UST: variants seen among roughly 807,000 people sequenced by gnomAD.
UST encodes the protein chondroitin sulfate 2-O-sulfotransferase.
UST carries 21 observed loss-of-function variants against 45.6 expected under a neutral mutation model. The observed-to-expected ratio is 0.46, with a 90% CI of 0.33 to 0.66. The LOEUF is 0.66. UST is among the 30% of genes least tolerant of loss of function. The pLI is 0.02. For missense variants in UST, 463 were observed against 512.4 expected (o/e 0.90, Z 0.93); for synonymous variants, 215 against 200.6 (o/e 1.07, Z -0.61).
Position 149,035,087 on chromosome 6 carries a change from CT to C in UST, c.937+13608del, listed in dbSNP as rs578117837. Among the ~76,000 whole-genome samples the C allele has an allele frequency of 6.1e-3, 929 of 152,258 alleles. 6 individuals are homozygous for C. Among genetic ancestry groups the C allele is most frequent in the African/African-American group, 0.022 (902 of 41,544 alleles). ...CTGGAATGCTTTTAGTGGTCAGATA[CT>C]TGAACCTCTAGATTCATCCTTTCTA... On this transcript the variant is annotated intron_variant, in intron 7 of 7. Coordinates refer to ENST00000367463, the MANE Select transcript of UST (RefSeq NM_005715.3).
chr6:148,763,746 A>G (rs184731149), intron 1 of UST, among the ~76,000 whole-genome samples: 61 of 152,262 alleles, frequency 4.0e-4, no homozygotes, highest in African/African-American at 1.4e-3. Flanking sequence ...CACTTATTGA[A>G]TAGGGTATCC....
At chr6:148,786,089 G>T (rs1776729234) in intron 1 of UST, among the ~76,000 whole-genome samples, 2 of 151,310 alleles carry the variant, frequency 1.3e-5, no homozygotes, top group Admixed American at 6.6e-5. Context: ...TACCATGACA[G>T]ATCTTTTTTT....
At chr6:148,765,265 A>C (rs1438046821) in intron 1 of UST, among the ~76,000 whole-genome samples, 2 of 152,122 alleles carry the variant, frequency 1.3e-5, no homozygotes, top group Non-Finnish European at 2.9e-5. Context: ...GTTTACGATC[A>C]GTTGGTTGTA....
At chr6:148,859,790 G>T (rs186828324) in intron 1 of UST, among the ~76,000 whole-genome samples, 333 of 152,326 alleles carry the variant, frequency 2.2e-3, no homozygotes, top group African/African-American at 7.4e-3. Flanking sequence ...GTTTGTCAAA[G>T]ATCAGATGGT....
intron 7 of UST, among the ~76,000 whole-genome samples, chr6:149,042,134 T>G (rs540979200): frequency 1.3e-5 from 2 of 152,364 alleles, no homozygotes; most frequent in East Asian, 3.9e-4. Context: ...TTAGGCACTT[T>G]TATTATTCCC....
chr6:148,803,706 C>T (rs1777094998), intron 1 of UST, among the ~76,000 whole-genome samples: 1 of 152,204 alleles, frequency 6.6e-6, no homozygotes, highest in Admixed American at 6.5e-5. Context: ...TTCCCTGACT[C>T]CCAGAACTCC....
chr6:148,974,340 A>C (rs1338214337), intron 5 of UST, among the ~76,000 whole-genome samples: 3 of 152,048 alleles, frequency 2.0e-5, no homozygotes, highest in Non-Finnish European at 4.4e-5. Flanking sequence ...ATACCCGAAC[A>C]AGTTATACAA....
intron 2 of UST, among the ~76,000 whole-genome samples, chr6:148,907,954 C>G (rs545949315): frequency 2.6e-5 from 3 of 114,650 alleles, no homozygotes; most frequent in African/African-American, 1.0e-4. Context: ...TGTCACCCAG[C>G]CTTGAGTGCA....
At chr6:148,969,458 GA>G (rs1780870298) in intron 5 of UST, among the ~76,000 whole-genome samples, 1 of 152,162 alleles carries the variant, frequency 6.6e-6, no homozygotes. Context: ...GGGTGACTTG[GA>G]TTTAGCCTCT....
At chr6:148,756,565 C>T (rs1050739306) in intron 1 of UST, among the ~76,000 whole-genome samples, 1 of 152,174 alleles carries the variant, frequency 6.6e-6, no homozygotes, top group African/African-American at 2.4e-5. Flanking sequence ...TTTGTTGTCT[C>T]GCTGCCTGCT....
At chr6:149,058,712 T>C (rs887839678) in intron 7 of UST, among the ~76,000 whole-genome samples, 1 of 152,130 alleles carries the variant, frequency 6.6e-6, no homozygotes, top group Non-Finnish European at 1.5e-5. Context: ...TAAAAGTATA[T>C]TTTAAGAAAG....
At chr6:148,862,923 C>T (rs147689073) in intron 1 of UST, among the ~76,000 whole-genome samples, 1 of 152,144 alleles carries the variant, frequency 6.6e-6, no homozygotes, top group African/African-American at 2.4e-5. Flanking sequence ...CTCTGGCGCC[C>T]TTAACATTTT....
intron 1 of UST, among the ~76,000 whole-genome samples, chr6:148,774,270 TTATA>T (rs10568450): frequency 3.9e-5 from 5 of 127,816 alleles, no homozygotes; most frequent in African/African-American, 5.8e-5. Flanking sequence ...CAAGGTTATT[TTATA>T]TATATATATA....
At chr6:149,065,228 T>C (rs948182418) in intron 7 of UST, among the ~76,000 whole-genome samples, 1 of 151,776 alleles carries the variant, frequency 6.6e-6, no homozygotes, top group African/African-American at 2.4e-5. Context: ...ATAACAACAA[T>C]TATTTGAAAA....
rs1372764426 is a variant in UST, at chr6:148,747,065, C to T, written c.-366C>T. Among the ~76,000 whole-genome samples, 3 of 151,672 alleles carry T rather than the reference C, an allele frequency of 2.0e-5. No homozygotes were observed. The highest frequency in any genetic ancestry group is 7.2e-5 in the African/African-American group (3 of 41,426). ...GAACCGGGACAAAACACGCCGAGAC[C>T]TACAGACACAAAGCCGGGGGGTCCA... On this transcript the variant is annotated 5_prime_UTR_variant, in exon 1 of 8. Coordinates refer to ENST00000367463, the MANE Select transcript of UST (RefSeq NM_005715.3).
In UST at chr6:148,794,087, C is replaced by T. The variant is rs982690722; in HGVS notation, c.247+46410C>T. ...GAGTGGTTGTACCAACACACACTTA[C>T]ACTTCTATATTTTCCAGTGCTGATC... On this transcript the variant is annotated intron_variant, in intron 1 of 7. Transcript: ENST00000367463. 2.6e-5 allele frequency among the ~76,000 whole-genome samples: 4 copies of T among 152,344 alleles called. 1 individual carries two copies. Among genetic ancestry groups the T allele is most frequent in the East Asian group, 1.9e-4 (1 of 5,188 alleles).
intron 7 of UST, among the ~76,000 whole-genome samples, chr6:149,071,275 G>A (rs1276511540): frequency 6.6e-6 from 1 of 152,050 alleles, no homozygotes; most frequent in Non-Finnish European, 1.5e-5. Context: ...GGCTTCAGAA[G>A]GTACCTCAAA....
intron 5 of UST, among the ~76,000 whole-genome samples, chr6:149,012,890 G>A (rs1014367536): frequency 6.6e-6 from 1 of 152,002 alleles, no homozygotes; most frequent in African/African-American, 2.4e-5. Context: ...AAATGCTGAA[G>A]GTATAATAAA....
At position 149,056,310 on chromosome 6, in the gene UST, G is replaced by A. The variant is rs1024608632; in HGVS notation, c.938-17523G>A. On this transcript the variant is annotated intron_variant, in intron 7 of 7. Transcript: ENST00000367463. ...TTTAGTGGACACGAGGTTTTGCCATGTTGGCCAAGCTGGTCTCAAATTCCT... is the reference window on the plus strand; with the variant it reads ...TTTAGTGGACACGAGGTTTTGCCATATTGGCCAAGCTGGTCTCAAATTCCT... 9.9e-5 allele frequency among the ~76,000 whole-genome samples: 15 copies of A among 151,962 alleles called. No homozygotes were observed. The South Asian group carries it at 2.3e-3, about 23-fold the overall frequency.
Sources: allele counts gnomAD v4.1 joint callset (sites outside exome capture counted in the v4.1 genomes callset), GRCh38; gene constraint gnomAD v4.1.1; transcripts MANE v1.5; gene names NCBI Gene and HGNC (gene_info 2026-07-23, HGNC 2026-07-21).